The following SPMIP7 variants were observed in gnomAD, a reference collection of about 807,000 sequenced individuals.
The protein encoded by SPMIP7 is protein SPMIP7.
chr7:50,135,875 C>G, the SPMIP7 span, among the ~76,000 whole-genome samples: 2 of 152,130 alleles, frequency 1.3e-5, no homozygotes, highest in African/African-American at 2.4e-5. Flanking sequence ...CAGATTCCAG[C>G]TATGAGAAAA....
At chr7:50,131,863 G>A in the SPMIP7 span, among the ~76,000 whole-genome samples, 525 of 152,200 alleles carry the variant, frequency 3.4e-3, 7 homozygotes, top group Non-Finnish European at 3.9e-3. Flanking sequence ...GGATGAAGAG[G>A]GAAAGAGAGG....
chr7:50,118,792 A>T, the SPMIP7 span, among the ~76,000 whole-genome samples: 2 of 152,150 alleles, frequency 1.3e-5, no homozygotes, highest in Non-Finnish European at 1.5e-5. Flanking sequence ...AATCAATTTG[A>T]TTGCGCTGGC....
chr7:50,111,936 T>A, the SPMIP7 span, among the ~76,000 whole-genome samples: 1 of 152,114 alleles, frequency 6.6e-6, no homozygotes, highest in Non-Finnish European at 1.5e-5. Context: ...AGACAATTAC[T>A]CCCACGTCAA....
the SPMIP7 span, among the ~76,000 whole-genome samples, chr7:50,134,746 A>G: frequency 1.3e-5 from 2 of 152,220 alleles, no homozygotes; most frequent in African/African-American, 2.4e-5. Context: ...TTCAGTAGTG[A>G]CACTCATTCT....
chr7:50,143,628 T>A, the SPMIP7 span, among the ~76,000 whole-genome samples: 1,195 of 152,356 alleles, frequency 7.8e-3, 24 homozygotes, highest in African/African-American at 0.027. Flanking sequence ...GCTCTGTGTT[T>A]TTTATATTGG....
At chr7:50,134,275 A>C in the SPMIP7 span, 5 of 1,491,962 alleles carry the variant, frequency 3.4e-6, no homozygotes, top group Non-Finnish European at 4.5e-6. Flanking sequence ...ACAATAATGT[A>C]TTTCTCATTG....
the SPMIP7 span, among the ~76,000 whole-genome samples, chr7:50,154,702 G>A: frequency 6.6e-6 from 1 of 152,286 alleles, no homozygotes; most frequent in Non-Finnish European, 1.5e-5. Context: ...TCTTTATGAG[G>A]TGGTAATTTC....
chr7:50,099,359 C>T, the SPMIP7 span, among the ~76,000 whole-genome samples: 9 of 152,068 alleles, frequency 5.9e-5, no homozygotes, highest in East Asian at 5.8e-4. Flanking sequence ...ATTTTCGTGA[C>T]GGTTTTCTGT....
At chr7:50,158,986 G>T in the SPMIP7 span, 1 of 1,516,514 alleles carries the variant, frequency 6.6e-7, no homozygotes, top group Non-Finnish European at 8.9e-7. Flanking sequence ...GGATGAGGTT[G>T]TGTATTTGTA....
the SPMIP7 span, among the ~76,000 whole-genome samples, chr7:50,157,900 T>A: frequency 0.27 from 41,669 of 151,862 alleles, 6,349 homozygotes; most frequent in East Asian, 0.7. Flanking sequence ...AAAGCTTTTT[T>A]AAAAAAAATT....
the SPMIP7 span, chr7:50,140,045 G>A: frequency 4.8e-6 from 4 of 826,810 alleles, no homozygotes; most frequent in Non-Finnish European, 7.4e-6. Context: ...AGATATCTGT[G>A]AAGGCTTTTG....
chr7:50,106,275 C>T, the SPMIP7 span, among the ~76,000 whole-genome samples: 2 of 152,254 alleles, frequency 1.3e-5, no homozygotes, highest in East Asian at 1.9e-4. Flanking sequence ...TTTGAAGAGG[C>T]AACCAAAAGT....
At chr7:50,119,711 A>G in the SPMIP7 span, among the ~76,000 whole-genome samples, 7 of 152,216 alleles carry the variant, frequency 4.6e-5, no homozygotes. Flanking sequence ...TAATAACAGA[A>G]TGGCTACTAA....
chr7:50,136,128 A>T, the SPMIP7 span: 1 of 1,551,530 alleles, frequency 6.4e-7, no homozygotes, highest in South Asian at 1.2e-5. Flanking sequence ...CAGATTTCAA[A>T]CAAGATCTTT....
At chr7:50,146,446 T>C in the SPMIP7 span, among the ~76,000 whole-genome samples, 1 of 152,282 alleles carries the variant, frequency 6.6e-6, no homozygotes, top group African/African-American at 2.4e-5. Flanking sequence ...AATGGAAGAA[T>C]TGAAGATCCC....
the SPMIP7 span, among the ~76,000 whole-genome samples, chr7:50,152,948 A>C: frequency 4.6e-5 from 7 of 152,054 alleles, no homozygotes; most frequent in Admixed American, 1.3e-4. Flanking sequence ...TGGCCTCCCA[A>C]ACTGCTGGGA....
the SPMIP7 span, chr7:50,096,084 C>A: frequency 6.8e-7 from 1 of 1,462,342 alleles, no homozygotes; most frequent in Non-Finnish European, 9.0e-7. Context: ...AAGAAAAAGG[C>A]CATGGATGTA....
chr7:50,101,531 T>C, the SPMIP7 span, among the ~76,000 whole-genome samples: 28 of 152,264 alleles, frequency 1.8e-4, no homozygotes, highest in East Asian at 5.2e-3. Flanking sequence ...GTTTTTCAAA[T>C]AGTAGATACT....
chr7:50,126,238 C>CT, the SPMIP7 span, among the ~76,000 whole-genome samples: 1 of 151,584 alleles, frequency 6.6e-6, no homozygotes, highest in African/African-American at 2.4e-5. Context: ...ATTACAGATC[C>CT]TAAAAAAAGA....
Sources: gnomAD v4.1 joint callset for allele counts (sites outside exome capture counted in the v4.1 genomes callset) on GRCh38, gnomAD v4.1.1 for gene constraint, MANE v1.5 for transcripts, NCBI Gene and HGNC (gene_info 2026-07-23, HGNC 2026-07-21) for gene names.